SLC25A48: variants seen among roughly 807,000 people sequenced by gnomAD.
The protein encoded by SLC25A48 is CTC-321K16.1.
A neutral mutation model predicts 32.2 loss-of-function variants in SLC25A48; 29 were observed. That is an observed-to-expected ratio of 0.90 (90% confidence interval 0.67 to 1.23). SLC25A48 has a LOEUF of 1.23. Ranked by LOEUF, SLC25A48 falls within the 50% of genes most tolerant of loss-of-function variation. The pLI is 0.00. For synonymous variants in SLC25A48, 164 were observed against 172.3 expected (o/e 0.95, Z 0.38); for missense variants, 399 against 422.7 (o/e 0.94, Z 0.49).
At chr5:135,614,029 G>A (rs554072114) in intron 1 of SLC25A48, among the ~76,000 whole-genome samples, 3 of 152,166 alleles carry the variant, frequency 2.0e-5, no homozygotes, top group African/African-American at 7.2e-5. Flanking sequence ...GATTGCTTTC[G>A]GCAGAATGGT....
intron 3 of SLC25A48, among the ~76,000 whole-genome samples, chr5:135,692,414 C>T (rs555867769): frequency 1.3e-5 from 2 of 151,254 alleles, no homozygotes; most frequent in South Asian, 4.2e-4. Context: ...GCCAGTGTTT[C>T]ACAGAGAATC....
intron 7 of SLC25A48, among the ~76,000 whole-genome samples, chr5:135,881,980 T>C (rs946495755): frequency 2.6e-5 from 4 of 152,210 alleles, no homozygotes; most frequent in African/African-American, 2.4e-5. Context: ...CAACCTGTCG[T>C]ACCTGCCACT....
intron 3 of SLC25A48, among the ~76,000 whole-genome samples, chr5:135,659,463 C>G (rs801543): frequency 0.11 from 16,208 of 152,284 alleles, 1,091 homozygotes; most frequent in East Asian, 0.2. Flanking sequence ...CAACAAGTCT[C>G]TAGGAAATTC....
At chr5:135,834,241 G>T (rs117144359), upstream of SLC25A48, among the ~76,000 whole-genome samples, 44 of 152,328 alleles carry the variant, frequency 2.9e-4, 1 homozygote, top group East Asian at 6.6e-3. Flanking sequence ...CAGGCAGGGA[G>T]CTGGGCCCCT....
intron 3 of SLC25A48, among the ~76,000 whole-genome samples, chr5:135,658,436 G>T (rs918189696): frequency 2.6e-5 from 4 of 152,194 alleles, no homozygotes; most frequent in Admixed American, 6.5e-5. Context: ...GCACTGCAGG[G>T]TATAGCCCTC....
chr5:135,765,773 G>A (rs956080868), intron 3 of SLC25A48, among the ~76,000 whole-genome samples: 1 of 151,482 alleles, frequency 6.6e-6, no homozygotes, highest in African/African-American at 2.4e-5. Context: ...ATCTTGGGTG[G>A]GAGAGGAGGA....
chr5:135,786,110 C>T (rs1306199831), intron 3 of SLC25A48, among the ~76,000 whole-genome samples: 3 of 151,122 alleles, frequency 2.0e-5, no homozygotes, highest in Non-Finnish European at 4.4e-5. Flanking sequence ...GGTGATATTA[C>T]TCCCCATGAG....
intron 1 of SLC25A48, among the ~76,000 whole-genome samples, chr5:135,612,997 A>C (rs1352114609): frequency 6.6e-6 from 1 of 152,184 alleles, no homozygotes; most frequent in East Asian, 1.9e-4. Flanking sequence ...AAATCTTCAT[A>C]CTGCTTTCTA....
chr5:135,650,863 T>C (rs2126925251), intron 3 of SLC25A48, among the ~76,000 whole-genome samples: 1 of 152,222 alleles, frequency 6.6e-6, no homozygotes, highest in East Asian at 1.9e-4. Flanking sequence ...TTTAGGCCTA[T>C]TTATTGATCA....
chr5:135,739,812 A>T (rs1409302523), intron 3 of SLC25A48, among the ~76,000 whole-genome samples: 1 of 152,216 alleles, frequency 6.6e-6, no homozygotes, highest in Non-Finnish European at 1.5e-5. Context: ...TGCATAAAGA[A>T]AAACAGCTGA....
chr5:135,670,403 G>T (rs1753627116), intron 3 of SLC25A48, among the ~76,000 whole-genome samples: 1 of 152,102 alleles, frequency 6.6e-6, no homozygotes, highest in Non-Finnish European at 1.5e-5. Flanking sequence ...TCTCGTTCTA[G>T]GGCTCCCTGC....
intron 3 of SLC25A48, among the ~76,000 whole-genome samples, chr5:135,635,809 T>A (rs1199519583): frequency 6.6e-6 from 1 of 152,200 alleles, no homozygotes; most frequent in Non-Finnish European, 1.5e-5. Context: ...ACTGCTTTAA[T>A]GGGATACCGC....
At position 135,669,661 on chromosome 5, in the gene SLC25A48, G is replaced by A. The variant is rs1043141949; in HGVS notation, c.-521+34705G>A. Among the ~76,000 whole-genome samples the A allele has an allele frequency of 4.6e-5, 7 of 152,258 alleles. No homozygotes were observed. In the South Asian group the frequency reaches 1.5e-3, roughly 32 times the overall value. ...AAGAGCCTTAACTCTCAGGAACTCT[G>A]GCTTGCCTGTGTGCTGTCCAAGAAT... On this transcript the variant is annotated intron_variant, in intron 3 of 10. Transcript: ENST00000646290.
chr5:135,609,252 A>G (rs1752009520), intron 1 of SLC25A48: 1 of 152,188 alleles, frequency 6.6e-6, no homozygotes, highest in Admixed American at 6.5e-5. Flanking sequence ...TGAACTCACA[A>G]GGTTACTTTA....
At chr5:135,807,564 T>G (rs1263972467) in intron 3 of SLC25A48, among the ~76,000 whole-genome samples, 2 of 150,482 alleles carry the variant, frequency 1.3e-5, no homozygotes, top group African/African-American at 4.8e-5. Context: ...TAATGGATAT[T>G]TTATTAATAG....
chr5:135,867,157 A>G (rs1165906215), intron 4 of SLC25A48, among the ~76,000 whole-genome samples: 1 of 152,238 alleles, frequency 6.6e-6, no homozygotes. Context: ...TAGAGAAATT[A>G]GGTACACTTC....
chr5:135,672,739 G>C (rs1162933829), intron 3 of SLC25A48, among the ~76,000 whole-genome samples: 2 of 152,234 alleles, frequency 1.3e-5, no homozygotes, highest in East Asian at 3.9e-4. Flanking sequence ...TATACAAGAA[G>C]TTGTACATAT....
At chr5:135,718,598 T>G (rs769641416) in intron 3 of SLC25A48, among the ~76,000 whole-genome samples, 18 of 152,244 alleles carry the variant, frequency 1.2e-4, no homozygotes, top group Non-Finnish European at 2.1e-4. Context: ...TTTTTATTAT[T>G]ATGATGATTC....
intron 3 of SLC25A48, among the ~76,000 whole-genome samples, chr5:135,761,695 G>A (rs115796618): frequency 0.012 from 1,858 of 152,258 alleles, 36 homozygotes; most frequent in African/African-American, 0.042. Context: ...CTCTTAAACC[G>A]TATTCATGGG....
Sources: allele counts gnomAD v4.1 joint callset (sites outside exome capture counted in the v4.1 genomes callset), GRCh38; gene constraint gnomAD v4.1.1; transcripts MANE v1.5; gene names NCBI Gene and HGNC (gene_info 2026-07-23, HGNC 2026-07-21).